LVRN: variants seen among roughly 807,000 people sequenced by gnomAD.
LVRN encodes the protein aminopeptidase Q.
A neutral mutation model predicts 111.4 loss-of-function variants in LVRN; 99 were observed. The observed-to-expected ratio is 0.89, with a 90% CI of 0.76 to 1.05. LVRN has a LOEUF of 1.05. LVRN is among the 50% of genes least tolerant of loss of function. The probability of loss-of-function intolerance (pLI) is 0.00; values close to 1 mark genes in which losing one functional copy is unlikely to be tolerated. For synonymous variants in LVRN, 488 were observed against 449.5 expected, an observed-to-expected ratio of 1.09 and a Z score of -1.08; for missense variants, 1,414 against 1,206.8, an observed-to-expected ratio of 1.17 and a Z score of -2.54.
chr5:116,003,005 C>A, intron 11 of LVRN, 94 bp downstream of exon 11: 1 of 1,115,782 alleles, frequency 9.0e-7, no homozygotes, highest in Non-Finnish European at 1.3e-6. Context: ...AAAGCCATTT[C>A]ATTTCAAACT....
intron 1 of LVRN, among the ~76,000 whole-genome samples, chr5:115,973,189 C>G (rs1265743380): frequency 6.6e-6 from 1 of 152,208 alleles, no homozygotes; most frequent in African/African-American, 2.4e-5. Flanking sequence ...CTTGGCCTCC[C>G]AAAGTGTTGG....
intron 5 of LVRN, among the ~76,000 whole-genome samples, chr5:115,992,936 GCT>G (rs1407607383): frequency 1.3e-5 from 2 of 152,148 alleles, no homozygotes; most frequent in Non-Finnish European, 2.9e-5. Context: ...TCGTAATGTG[GCT>G]CCATAAGAAG....
chr5:115,982,212 A>C (rs2112569909), intron 1 of LVRN, among the ~76,000 whole-genome samples: 1 of 152,326 alleles, frequency 6.6e-6, no homozygotes, highest in East Asian at 1.9e-4. Context: ...AGTTGTTTGC[A>C]CGTGCCAACC....
chr5:115,978,847 G>C (rs567522611), intron 1 of LVRN, among the ~76,000 whole-genome samples: 1 of 152,242 alleles, frequency 6.6e-6, no homozygotes, highest in East Asian at 1.9e-4. Flanking sequence ...TGACACATAG[G>C]ACTTCTTACT....
At chr5:115,963,397 C>G (rs1753135240) in intron 1 of LVRN, 85 bp downstream of exon 1, 6 of 1,109,572 alleles carry the variant, frequency 5.4e-6, no homozygotes, top group Non-Finnish European at 7.6e-6. Flanking sequence ...CTACCGTGTC[C>G]AGGTGCGCGT....
chr5:116,022,433 G>A lies in LVRN; in HGVS notation c.2799G>A (p.Gly933=). 1 of 1,563,436 alleles carries A rather than the reference G, an allele frequency of 6.4e-7. No individual in the cohort carries two copies. The highest frequency in any genetic ancestry group is 2.3e-5 in the East Asian group (1 of 43,640). ...TGATTAATCTAATATATACAATAGG[G>A]AGAACCGTAACTACAGATTTACAGA... ...QSLINLIYTI[G]RTVTTDLQIV... is the part of the protein sequence containing the mutation. Residue 933 remains glycine, a synonymous_variant, in exon 19 of 20, where the codon GGG becomes GGA. Transcript: ENST00000357872.
At position 115,992,106 on chromosome 5, in the gene LVRN, C is replaced by A; in HGVS notation, c.1106-17C>A. ...GAAAAGATTATTTTATTTTCTCCTC[C>A]ATTTAAATCCACTTAGATATAATTG... On this transcript the variant is annotated splice_polypyrimidine_tract_variant and intron_variant, in intron 4 of 19. Coordinates refer to ENST00000357872, the MANE Select transcript of LVRN (RefSeq NM_173800.5). 1 of 1,568,766 alleles carries A rather than the reference C, an allele frequency of 6.4e-7. No individual in the cohort carries two copies. The highest frequency in any genetic ancestry group is 8.6e-7 in the Non-Finnish European group (1 of 1,161,116).
intron 1 of LVRN, among the ~76,000 whole-genome samples, chr5:115,972,739 T>A (rs1753354748): frequency 6.6e-6 from 1 of 152,236 alleles, no homozygotes; most frequent in East Asian, 1.9e-4. Flanking sequence ...AAGGTTTTTT[T>A]TGGTAGATTC....
intron 12 of LVRN, among the ~76,000 whole-genome samples, chr5:116,004,884 A>G (rs528629405): frequency 6.6e-6 from 1 of 152,342 alleles, no homozygotes; most frequent in South Asian, 2.1e-4. Context: ...AGTAATTAAA[A>G]CAAATTAATG....
intron 6 of LVRN, among the ~76,000 whole-genome samples, chr5:115,994,919 C>G (rs547537875): frequency 6.6e-6 from 1 of 151,984 alleles, no homozygotes; most frequent in Admixed American, 6.6e-5. Context: ...CATCTTCTTC[C>G]CCTCCTCTCT....
At chr5:116,019,554 C>T (rs1748670521) in intron 18 of LVRN, among the ~76,000 whole-genome samples, 1 of 152,210 alleles carries the variant, frequency 6.6e-6, no homozygotes, top group Non-Finnish European at 1.5e-5. Context: ...TCCCTCTGCC[C>T]ATAGTCAGTT....
chr5:115,962,523 G>A lies in LVRN; in HGVS notation c.-95G>A. On this transcript the variant is annotated 5_prime_UTR_variant, in exon 1 of 20. Transcript: ENST00000357872. Reference sequence around the variant, plus strand: ...GGAAGAGGCACGATACAAGAGAGGAGGGGCAGGGGTCGCAGCACTGAACAC... The same window carrying A: ...GGAAGAGGCACGATACAAGAGAGGAAGGGCAGGGGTCGCAGCACTGAACAC... 2 of 1,113,144 alleles carry A rather than the reference G, an allele frequency of 1.8e-6. No individual in the cohort carries two copies. Among genetic ancestry groups the A allele is most frequent in the South Asian group, 2.8e-5 (2 of 70,434 alleles). The allele number at this position is 1,113,144 out of a possible 1,614,324, so 69.0% of individuals were successfully genotyped here. A position where few individuals can be genotyped will look rare whatever the true frequency, so the allele number is the denominator to read the frequency against.
At chr5:116,021,185 A>G (rs758505451) in intron 18 of LVRN, 1 of 152,166 alleles carries the variant, frequency 6.6e-6, no homozygotes, top group Non-Finnish European at 1.5e-5. Flanking sequence ...CATTTTTACA[A>G]TTTATAAATT....
rs761728346 is a variant in LVRN, at chr5:115,963,275, C to A, written c.658C>A (p.Leu220Ile). 1.9e-6 allele frequency: 3 copies of A among 1,612,510 alleles called. No homozygotes were observed. The highest frequency in any genetic ancestry group is 2.5e-6 in the Non-Finnish European group (3 of 1,179,854). The stretch of plus-strand genomic sequence containing the variant: ...GGTGAAGGAAGACCTCAGGGAGGGA[C>A]TCTTCCTCAACGTCTACACCGACCA... ...GLVKEDLREGLFLNVYTDQGE... is the reference protein window; with the variant it reads ...GLVKEDLREGIFLNVYTDQGE... The change falls in exon 1 of 20, where the codon CTC (leucine) becomes ATC (isoleucine). Residue 220 changes from leucine to isoleucine, a missense_variant. Transcript: ENST00000357872.
chr5:115,993,859 G>T lies in LVRN; in HGVS notation c.1374+5G>T. The T allele has an allele frequency of 6.6e-7, 1 of 1,505,694 alleles. No homozygotes were observed. Among genetic ancestry groups the T allele is most frequent in the Non-Finnish European group, 9.1e-7 (1 of 1,102,042 alleles). The allele number at this position is 1,505,694 out of a possible 1,614,324, so 93.3% of individuals were successfully genotyped here. A position where few individuals can be genotyped will look rare whatever the true frequency, so the allele number is the denominator to read the frequency against. On this transcript the variant is annotated splice_donor_5th_base_variant and intron_variant, in intron 6 of 19. Coordinates refer to ENST00000357872, the MANE Select transcript of LVRN (RefSeq NM_173800.5). ...TTTAATCCTAAACTCCCAAGAGTAA[G>T]TATGTTTACTAAGTTTATTTAACAT...
chr5:115,965,733 A>G (rs1017325453), intron 1 of LVRN, among the ~76,000 whole-genome samples: 4 of 152,036 alleles, frequency 2.6e-5, no homozygotes, highest in Non-Finnish European at 5.9e-5. Flanking sequence ...AGCCTCTGGC[A>G]TTTCCCCTGC....
intron 15 of LVRN, among the ~76,000 whole-genome samples, 156 bp downstream of exon 15, chr5:116,012,624 A>C (rs1389261435): frequency 6.6e-6 from 1 of 152,212 alleles, no homozygotes; most frequent in East Asian, 1.9e-4. Flanking sequence ...GGTGGGCTAC[A>C]TGTATTCTAA....
chr5:115,976,746 A>T (rs532113872), intron 1 of LVRN, among the ~76,000 whole-genome samples: 2 of 152,152 alleles, frequency 1.3e-5, no homozygotes, highest in East Asian at 3.9e-4. Context: ...GCATCTTCTC[A>T]TTTTTTATTG....
intron 1 of LVRN, among the ~76,000 whole-genome samples, chr5:115,971,962 A>G (rs1753337160): frequency 6.6e-6 from 1 of 152,050 alleles, no homozygotes; most frequent in Non-Finnish European, 1.5e-5. Flanking sequence ...AACATGGTAT[A>G]TATCTCTCTA....
Sources: gnomAD v4.1 joint callset for allele counts (sites outside exome capture counted in the v4.1 genomes callset) on GRCh38, gnomAD v4.1.1 for gene constraint, MANE v1.5 for transcripts, NCBI Gene and HGNC (gene_info 2026-07-23, HGNC 2026-07-21) for gene names.